The following COL28A1 variants were observed in gnomAD, a reference collection of about 807,000 sequenced individuals.
COL28A1 encodes the protein collagen alpha-1(XXVIII) chain.
Under a neutral mutation model 150.2 loss-of-function variants are expected in COL28A1, and 161 were observed. That is an observed-to-expected ratio of 1.07 (90% CI 0.94 to 1.22). COL28A1 has a LOEUF of 1.22. COL28A1 is among the 50% of genes most tolerant of loss of function. The pLI is 0.00. For missense variants in COL28A1, 1,617 were observed against 1,388.3 expected (o/e 1.16, Z -2.62); for synonymous variants, 552 against 469.7 (o/e 1.18, Z -2.26).
intron 32 of COL28A1, 28 bp downstream of exon 32, chr7:7,372,970 T>G (rs373691136): frequency 1.3e-6 from 2 of 1,589,792 alleles, no homozygotes; most frequent in Non-Finnish European, 1.7e-6. Flanking sequence ...ATAAATGCCT[T>G]TCCCCTGGGC....
the COL28A1 span, among the ~76,000 whole-genome samples, chr7:7,349,175 C>T: frequency 6.6e-6 from 1 of 152,006 alleles, no homozygotes; most frequent in Non-Finnish European, 1.5e-5. Flanking sequence ...AAGAGTTTTC[C>T]AAATATATTG....
chr7:7,372,491 T>C (rs1300872873), intron 32 of COL28A1, among the ~76,000 whole-genome samples: 1 of 152,174 alleles, frequency 6.6e-6, no homozygotes, highest in Non-Finnish European at 1.5e-5. Flanking sequence ...TTATTCATCA[T>C]TATCTGCTTT....
rs1554260717 is a variant in COL28A1, at chr7:7,374,060, T to TAC, written c.2360-516_2360-515dup. Among the ~76,000 whole-genome samples the TAC allele has an allele frequency of 4.5e-4, 65 of 142,950 alleles. 1 individual carries two copies. The highest frequency in any genetic ancestry group is 1.2e-3 in the East Asian group (6 of 5,038). The allele number at this position is 142,950 out of a possible 152,430, so 93.8% of individuals were successfully genotyped here. On this transcript the variant is annotated intron_variant, in intron 31 of 34. Transcript: ENST00000399429. ...AAAAATATATATATATATATATATA[T>TAC]ACTTGGAAAAACACCGTAGTTGATA...
chr7:7,543,689 A>C, the COL28A1 span, among the ~76,000 whole-genome samples: 1 of 152,094 alleles, frequency 6.6e-6, no homozygotes, highest in Non-Finnish European at 1.5e-5. Context: ...ACACAATAGT[A>C]AGATTTAGTA....
chr7:7,532,940 C>A, intron 1 of COL28A1, 28 bp from the exon 2 acceptor site: 1 of 1,471,986 alleles, frequency 6.8e-7, no homozygotes, highest in Non-Finnish European at 9.0e-7. Context: ...GTTACAAATA[C>A]TTTAATAAAA....
At chr7:7,458,848 T>C (rs1442478582) in intron 15 of COL28A1, among the ~76,000 whole-genome samples, 1 of 152,216 alleles carries the variant, frequency 6.6e-6, no homozygotes, top group Admixed American at 6.5e-5. Flanking sequence ...TCATAGCCAC[T>C]AGTTTGCAAA....
At chr7:7,490,539 T>C (rs764334135) in intron 12 of COL28A1, 39 bp downstream of exon 12, 1 of 891,772 alleles carries the variant, frequency 1.1e-6, no homozygotes. Context: ...TACAATAAAT[T>C]CAACAGTCAT....
rs1411856754 is a variant in COL28A1, at chr7:7,531,677, T to A, written c.352A>T (p.Lys118Ter). The A allele has an allele frequency of 1.8e-5, 28 of 1,590,918 alleles. No homozygotes were observed. Among genetic ancestry groups the A allele is most frequent in the Non-Finnish European group, 2.3e-5 (27 of 1,158,810 alleles). ...FSSWKDLQTF[K>*]QKVKSMNLIG... ...AAATTCATAGACTTGACCTTCTGCT[T>A]AAATGTCTGCAGGTCCTTCCAGGAA... Residue 118 changes from lysine (K) to a stop codon, truncating the protein, a stop_gained, in exon 3 of 35, where the codon AAG (lysine) becomes TAG (stop). Transcript: ENST00000399429. LOFTEE classifies it high-confidence loss of function.
Position 7,380,679 on chromosome 7 carries a change from T to A in COL28A1, c.2303A>T (p.Lys768Ile). The A allele has an allele frequency of 6.2e-7, 1 of 1,613,824 alleles. No individual in the cohort carries two copies. The highest frequency in any genetic ancestry group is 8.5e-7 in the Non-Finnish European group (1 of 1,179,722). Residue 768 changes from lysine (K) to isoleucine (I), a missense_variant, in exon 30 of 35, where the codon AAA (lysine) becomes ATA (isoleucine). Physicochemically the swap from Lys to Ile is moderately radical, Grantham distance 102. Coordinates refer to ENST00000399429, the MANE Select transcript of COL28A1 (RefSeq NM_001037763.3). ...SPGKQGLQGP[K>I]GDLGLTKEEI... ...ACTCACTGTAAGTCCTAGGTCTCCT[T>A]TGGGTCCTTGTAAACCCTACTTAGT...
At position 7,531,668 on chromosome 7, in the gene COL28A1, C is replaced by A; in HGVS notation, c.361G>T (p.Val121Phe). ...WKDLQTFKQKVKSMNLIGQGT... is the reference protein window; with the variant it reads ...WKDLQTFKQKFKSMNLIGQGT... ...TGCCCTATTAAATTCATAGACTTGA[C>A]CTTCTGCTTAAATGTCTGCAGGTCC... Residue 121 changes from valine to phenylalanine, a missense_variant, in exon 3 of 35, where the codon GTC (valine) becomes TTC (phenylalanine). Physicochemically the swap from Val to Phe is conservative, Grantham distance 50. Coordinates refer to ENST00000399429, the MANE Select transcript of COL28A1 (RefSeq NM_001037763.3). 6.3e-7 allele frequency: 1 copy of A among 1,596,706 alleles called. No individual in the cohort carries two copies. Among genetic ancestry groups the A allele is most frequent in the Middle Eastern group, 1.7e-4 (1 of 6,026 alleles).
At chr7:7,522,221 A>T in intron 4 of COL28A1, 1 of 484,412 alleles carries the variant, frequency 2.1e-6, no homozygotes, top group Non-Finnish European at 3.8e-6. Flanking sequence ...AATATTATTA[A>T]ATTTCAGCAT....
Position 7,380,651 on chromosome 7 carries a change from G to A in COL28A1, c.2322+9C>T, listed in dbSNP as rs760860166. The A allele has an allele frequency of 6.8e-6, 11 of 1,611,960 alleles. No homozygotes were observed. Among genetic ancestry groups the A allele is most frequent in the Non-Finnish European group, 7.6e-6 (9 of 1,178,270 alleles). On this transcript the variant is annotated intron_variant, in intron 30 of 34. Coordinates refer to ENST00000399429, the MANE Select transcript of COL28A1 (RefSeq NM_001037763.3). ...AAACCCTCAATTACCCTCTAGAATG[G>A]ATACTCACTGTAAGTCCTAGGTCTC...
intron 27 of COL28A1, among the ~76,000 whole-genome samples, chr7:7,406,703 C>A (rs1783511053): frequency 6.6e-6 from 1 of 151,908 alleles, no homozygotes; most frequent in African/African-American, 2.4e-5. Context: ...ATAGAAGAAA[C>A]AATAATGCAA....
In COL28A1 at chr7:7,380,929, A is replaced by G; in HGVS notation, c.2206-67T>C. ...CTAAAAGCCAGATAAGAAAAGCTCT[A>G]TAATTTGGTTATCTGCAACTGGCAT... On this transcript the variant is annotated intron_variant, in intron 28 of 34. Coordinates refer to ENST00000399429, the MANE Select transcript of COL28A1 (RefSeq NM_001037763.3). The G allele has an allele frequency of 4.2e-6, 6 of 1,416,958 alleles. No individual in the cohort carries two copies. The South Asian group carries it at 4.8e-5, about 11-fold the overall frequency. 87.8% of individuals were successfully genotyped at this position (1,416,958 alleles called of 1,614,324 possible).
intron 21 of COL28A1, among the ~76,000 whole-genome samples, chr7:7,440,381 A>G (rs1490631789): frequency 1.3e-5 from 2 of 152,218 alleles, no homozygotes; most frequent in Non-Finnish European, 2.9e-5. Context: ...GGTTCATGGC[A>G]CAGGAGGATG....
intron 18 of COL28A1, 44 bp from the exon 19 acceptor site, chr7:7,444,533 C>CAGAATGGAGGTATGAA: frequency 1.9e-6 from 3 of 1,584,830 alleles, no homozygotes; most frequent in Non-Finnish European, 1.7e-6. Context: ...GTTCATACCT[C>CAGAATGGAGGTATGAA]CATTCTGAGG....
At chr7:7,447,710 C>T (rs574245482) in intron 18 of COL28A1, among the ~76,000 whole-genome samples, 2 of 152,142 alleles carry the variant, frequency 1.3e-5, no homozygotes, top group South Asian at 4.1e-4. Flanking sequence ...ATAAAAAACA[C>T]TGGACAGAAT....
chr7:7,343,927 G>A, the COL28A1 span, among the ~76,000 whole-genome samples: 28 of 152,036 alleles, frequency 1.8e-4, no homozygotes, highest in African/African-American at 6.8e-4. Flanking sequence ...AGGATAGCTT[G>A]AGCCCTGGAG....
intron 33 of COL28A1, among the ~76,000 whole-genome samples, chr7:7,368,978 T>C (rs758153730): frequency 3.7e-4 from 56 of 152,228 alleles, no homozygotes; most frequent in Admixed American, 7.2e-4. Flanking sequence ...GCAGGAGCCA[T>C]GTCTTAAGAG....
Sources: gnomAD v4.1 joint callset for allele counts (sites outside exome capture counted in the v4.1 genomes callset) on GRCh38, gnomAD v4.1.1 for gene constraint, MANE v1.5 for transcripts, NCBI Gene and HGNC (gene_info 2026-07-23, HGNC 2026-07-21) for gene names.